Variants in UBE2O observed in about 807,000 individuals in gnomAD.
UBE2O encodes (E3-independent) E2 ubiquitin-conjugating enzyme.
A neutral mutation model predicts 125.8 loss-of-function variants in UBE2O; 15 were observed. The observed-to-expected ratio is 0.12, with a 90% CI of 0.08 to 0.18. UBE2O has a LOEUF of 0.18. Among genes scored for constraint, UBE2O ranks in the 10% least tolerant of loss-of-function variants. The probability of loss-of-function intolerance (pLI) is 1.00; values close to 1 mark genes in which losing one functional copy is unlikely to be tolerated. For missense variants in UBE2O, 1,280 were observed against 1,723.6 expected (o/e 0.74, Z 4.56); for synonymous variants, 708 against 703.2 (o/e 1.01, Z -0.11).
chr17:76,401,898 TC>T, intron 5 of UBE2O, 165 bp downstream of exon 5: 1 of 444,230 alleles, frequency 2.3e-6, no homozygotes, highest in Non-Finnish European at 3.9e-6. Flanking sequence ...AAAAAAAAGT[TC>T]TAATACTTTC....
chr17:76,438,003 G>A (rs1044577454), intron 1 of UBE2O, among the ~76,000 whole-genome samples: 3 of 152,032 alleles, frequency 2.0e-5, no homozygotes, highest in African/African-American at 4.8e-5. Context: ...TGTTCAAAAC[G>A]GAATCTCCCT....
intron 1 of UBE2O, among the ~76,000 whole-genome samples, chr17:76,441,584 G>A (rs2073075636): frequency 6.6e-6 from 1 of 152,156 alleles, no homozygotes; most frequent in Admixed American, 6.5e-5. Context: ...GTTTGGAAGG[G>A]CCCATATAAG....
chr17:76,424,163 C>T (rs2072761769), intron 1 of UBE2O, among the ~76,000 whole-genome samples: 1 of 151,414 alleles, frequency 6.6e-6, no homozygotes, highest in Admixed American at 6.6e-5. Flanking sequence ...CCGTCTCGGC[C>T]TCCCAAAGTG....
chr17:76,423,365 G>T (rs1330348048), intron 1 of UBE2O, among the ~76,000 whole-genome samples: 1 of 151,858 alleles, frequency 6.6e-6, no homozygotes, highest in Non-Finnish European at 1.5e-5. Flanking sequence ...GGTGACAAGA[G>T]TAAGACCCTA....
At chr17:76,451,226 C>A (rs984625271) in intron 1 of UBE2O, among the ~76,000 whole-genome samples, 1 of 152,204 alleles carries the variant, frequency 6.6e-6, no homozygotes, top group Non-Finnish European at 1.5e-5. Flanking sequence ...AAGACACCAG[C>A]AATCATCTGG....
chr17:76,408,448 G>T (rs2072460715), intron 1 of UBE2O, among the ~76,000 whole-genome samples: 1 of 152,180 alleles, frequency 6.6e-6, no homozygotes, highest in Admixed American at 6.5e-5. Context: ...ACAAGTAGTG[G>T]AGCTGGGACC....
Position 76,395,105 on chromosome 17 carries a change from A to C in UBE2O, c.2946+620T>G, listed in dbSNP as rs944429306. Reference sequence around the variant, plus strand: ...TGGTCAGGCTGGTCTCAAACTTCTGACCTCAGGTGATCCACCTGCCTCGGC... The same window carrying C: ...TGGTCAGGCTGGTCTCAAACTTCTGCCCTCAGGTGATCCACCTGCCTCGGC... On this transcript the variant is annotated intron_variant, in intron 15 of 17. Coordinates refer to ENST00000319380, the MANE Select transcript of UBE2O (RefSeq NM_022066.4). This position sits in a 1 kb window ranked among gnomAD's most constrained non-coding sequence, Gnocchi z 5.0. Among the ~76,000 whole-genome samples, 1 of 151,912 alleles carries C rather than the reference A, an allele frequency of 6.6e-6. No homozygotes were observed. Among genetic ancestry groups the C allele is most frequent in the African/African-American group, 2.4e-5 (1 of 41,326 alleles).
intron 1 of UBE2O, among the ~76,000 whole-genome samples, chr17:76,407,510 G>C (rs1297396008): frequency 2.0e-5 from 3 of 152,206 alleles, no homozygotes; most frequent in African/African-American, 7.2e-5. Flanking sequence ...AATGCAAGGG[G>C]GGCTGCACCA....
rs761037369 is a variant in UBE2O at position 76,402,722 on chromosome 17, C to T, written c.589-23G>A. ...GGGCTGCAGACCAAGGAGGCAGGGG[C>T]AGTGAGACACAGCAGACAACGTTCA... On this transcript the variant is annotated intron_variant, in intron 3 of 17. Coordinates refer to ENST00000319380, the MANE Select transcript of UBE2O (RefSeq NM_022066.4). This position sits in a 1 kb window ranked among gnomAD's most constrained non-coding sequence, Gnocchi z 5.4. 3.8e-6 allele frequency: 6 copies of T among 1,581,422 alleles called. No individual in the cohort carries two copies. The highest frequency in any genetic ancestry group is 3.5e-6 in the Non-Finnish European group (4 of 1,150,344).
In UBE2O at chr17:76,395,709, T is replaced by C; in HGVS notation, c.2946+16A>G. 6.2e-7 allele frequency: 1 copy of C among 1,612,172 alleles called. No individual in the cohort carries two copies. Among genetic ancestry groups the C allele is most frequent in the Non-Finnish European group, 8.5e-7 (1 of 1,179,206 alleles). On this transcript the variant is annotated intron_variant, in intron 15 of 17. Transcript: ENST00000319380. The surrounding 1 kb of genome is among the most constrained non-coding windows in gnomAD (Gnocchi z 5.0). ...CACACAGCACATCTGCACCTGCCCA[T>C]GCCAAGCCTACTTGCCATTCTATCT...
In UBE2O at chr17:76,405,595, G is replaced by C. The variant is rs998761559; in HGVS notation, c.418-23C>G. ...CAGCTGTAAAAGAAAATACAGGTGTGAGAGAATGGACTCTGAAGCCACCAC... is the reference window on the plus strand; with the variant it reads ...CAGCTGTAAAAGAAAATACAGGTGTCAGAGAATGGACTCTGAAGCCACCAC... On this transcript the variant is annotated intron_variant, in intron 1 of 17. Coordinates refer to ENST00000319380, the MANE Select transcript of UBE2O (RefSeq NM_022066.4). This position sits in a 1 kb window ranked among gnomAD's most constrained non-coding sequence, Gnocchi z 6.1. 6.4e-7 allele frequency: 1 copy of C among 1,572,560 alleles called. No individual in the cohort carries two copies. The highest frequency in any genetic ancestry group is 2.3e-5 in the East Asian group (1 of 43,892).
At position 76,399,001 on chromosome 17, in the gene UBE2O, C is replaced by T. The variant is rs367897734; in HGVS notation, c.1629-10G>A. On this transcript the variant is annotated splice_polypyrimidine_tract_variant and intron_variant, in intron 9 of 17. Coordinates refer to ENST00000319380, the MANE Select transcript of UBE2O (RefSeq NM_022066.4). This position sits in a 1 kb window ranked among gnomAD's most constrained non-coding sequence, Gnocchi z 6.9. Reference sequence around the variant, plus strand: ...CACCTCCACTGCCACCCTGCGGGTGCAGGCCAGTCAGCAGGCCATGCAAAC... The same window carrying T: ...CACCTCCACTGCCACCCTGCGGGTGTAGGCCAGTCAGCAGGCCATGCAAAC... 2.7e-5 allele frequency: 43 copies of T among 1,612,690 alleles called. No individual in the cohort carries two copies. The highest frequency in any genetic ancestry group is 3.4e-5 in the Non-Finnish European group (40 of 1,179,552).
rs1213054599 is a variant in UBE2O, at chr17:76,400,645, A to C, written c.895-95T>G. Reference sequence around the variant, plus strand: ...AAGCCCACTTGACCTCCAGAGCAGGAAACTGATCTTCCTAGTGCAGCACCA... The same window carrying C: ...AAGCCCACTTGACCTCCAGAGCAGGCAACTGATCTTCCTAGTGCAGCACCA... On this transcript the variant is annotated intron_variant, in intron 6 of 17. Coordinates refer to ENST00000319380, the MANE Select transcript of UBE2O (RefSeq NM_022066.4). The surrounding 1 kb of genome is among the most constrained non-coding windows in gnomAD (Gnocchi z 4.3). 1 of 809,216 alleles carries C rather than the reference A, an allele frequency of 1.2e-6. No individual in the cohort carries two copies. Among genetic ancestry groups the C allele is most frequent in the Non-Finnish European group, 2.0e-6 (1 of 508,694 alleles). 50.1% of individuals were successfully genotyped at this position (809,216 alleles called of 1,614,324 possible). A position where few individuals can be genotyped will look rare whatever the true frequency, so the allele number is the denominator to read the frequency against.
chr17:76,395,185 G>A lies in UBE2O; in HGVS notation c.2946+540C>T, dbSNP rs1240038527. ...GCCACCGCACCCGGCCTATTTCAAA[G>A]TAATTTTTTTTTTTGAGACAGAATC... is the stretch of plus-strand genomic sequence containing the variant. On this transcript the variant is annotated intron_variant, in intron 15 of 17. Coordinates refer to ENST00000319380, the MANE Select transcript of UBE2O (RefSeq NM_022066.4). This position sits in a 1 kb window ranked among gnomAD's most constrained non-coding sequence, Gnocchi z 5.0. Among the ~76,000 whole-genome samples, 1 of 150,258 alleles carries A rather than the reference G, an allele frequency of 6.7e-6. No homozygotes were observed. The highest frequency in any genetic ancestry group is 1.5e-5 in the Non-Finnish European group (1 of 67,596).
intron 1 of UBE2O, among the ~76,000 whole-genome samples, chr17:76,416,798 A>C (rs2072624277): frequency 6.6e-6 from 1 of 152,146 alleles, no homozygotes; most frequent in Non-Finnish European, 1.5e-5. Context: ...ATCTCTCCCA[A>C]GGCACAACAG....
intron 1 of UBE2O, among the ~76,000 whole-genome samples, chr17:76,444,521 AGCATAAG>A (rs1176710540): frequency 6.6e-6 from 1 of 152,232 alleles, no homozygotes; most frequent in East Asian, 1.9e-4. Context: ...TGGGTGACAG[AGCATAAG>A]GCTGATGGAT....
In UBE2O at chr17:76,396,035, A is replaced by AG; in HGVS notation, c.2809+92dup. On this transcript the variant is annotated intron_variant, in intron 14 of 17. Transcript: ENST00000319380. The surrounding 1 kb of genome is among the most constrained non-coding windows in gnomAD (Gnocchi z 6.7). The stretch of plus-strand genomic sequence containing the variant: ...CTGGGGCAGTAGCTGGGGTCTGGCG[A>AG]GGGGACTAACCACCCTGCACCCAGA... 6.7e-7 allele frequency: 1 copy of AG among 1,497,398 alleles called. No individual in the cohort carries two copies. The highest frequency in any genetic ancestry group is 9.1e-7 in the Non-Finnish European group (1 of 1,098,606). The allele number at this position is 1,497,398 out of a possible 1,614,324, so 92.8% of individuals were successfully genotyped here.
In UBE2O at chr17:76,400,159, A is replaced by G. The variant is rs780909877; in HGVS notation, c.1143T>C (p.Ser381=). The G allele has an allele frequency of 2.3e-5, 37 of 1,613,888 alleles. No individual in the cohort carries two copies. Among genetic ancestry groups the G allele is most frequent in the Non-Finnish European group, 2.6e-5 (31 of 1,179,938 alleles). ...CCCAAGGACATACCTTCTTGGCCAT[A>G]GAGCCCTCCCCCTGGGCGCAGTTTT... ...PEKNCAQGEG[S]MAKKVKRLLK... Residue 381 remains serine, a synonymous_variant, in exon 8 of 18, where the codon TCT becomes TCC. Transcript: ENST00000319380. The surrounding 1 kb of genome is among the most constrained non-coding windows in gnomAD (Gnocchi z 4.3).
Position 76,390,961 on chromosome 17 carries a change from C to G in UBE2O, c.3861G>C (p.Glu1287Asp). ...CTGGCAGCTACTTGTCCTCTGTGCA[C>G]TCCGGCATGCCTGCCTCTAGCAGGG... ...RAALLEAGMPECTEDK is the reference protein window; with the variant it reads ...RAALLEAGMPDCTEDK Residue 1287 changes from glutamate (E) to aspartate (D), a missense_variant, in exon 18 of 18, where the codon GAG becomes GAC. By Grantham distance (45) the Glu-to-Asp change is conservative (BLOSUM62 2). This residue lies in a region of UBE2O where 233 missense variants were observed against 279.0 expected (regional missense o/e 0.84). Coordinates refer to ENST00000319380, the MANE Select transcript of UBE2O (RefSeq NM_022066.4). 1 of 1,609,704 alleles carries G rather than the reference C, an allele frequency of 6.2e-7. No individual in the cohort carries two copies. The highest frequency in any genetic ancestry group is 8.5e-7 in the Non-Finnish European group (1 of 1,177,998).
Sources: gnomAD v4.1 joint callset for allele counts (sites outside exome capture counted in the v4.1 genomes callset) on GRCh38, gnomAD v4.1.1 for gene constraint, gnomAD v4.1.1 regional missense constraint, Gnocchi (gnomAD v3.1) non-coding constraint, MANE v1.5 for transcripts, NCBI Gene and HGNC (gene_info 2026-07-23, HGNC 2026-07-21) for gene names.